Variants in PDE7B observed in about 807,000 individuals in gnomAD.
PDE7B encodes 3',5'-cyclic-AMP phosphodiesterase 7B.
PDE7B carries 29 observed loss-of-function variants against 56.2 expected under a neutral mutation model. The ratio of observed to expected loss-of-function variants is 0.52; its 90% CI spans 0.38 to 0.70. The LOEUF (loss-of-function observed/expected upper bound fraction) is 0.70. Ranked by LOEUF, PDE7B falls within the 30% of genes least tolerant of loss-of-function variation. The pLI is 0.00. For synonymous variants in PDE7B, 197 were observed against 196.9 expected (o/e 1.00, Z 0.00); for missense variants, 490 against 565.0 (o/e 0.87, Z 1.35).
Position 136,155,810 on chromosome 6 carries a change from C to T in PDE7B, c.711+52C>T, listed in dbSNP as rs777658238. 2.5e-6 allele frequency: 4 copies of T among 1,587,558 alleles called. No individual in the cohort carries two copies. The African/African-American group carries it at 5.4e-5, about 21-fold the overall frequency. On this transcript the variant is annotated intron_variant, in intron 8 of 12. Transcript: ENST00000308191. Reference sequence around the variant, plus strand: ...CACAGTATGGTCAATCGCCTTAGGCCCGGTGCTCAAGCCTGAATCTTGCCC... The same window carrying T: ...CACAGTATGGTCAATCGCCTTAGGCTCGGTGCTCAAGCCTGAATCTTGCCC...
At chr6:136,169,318 T>C (rs1778845644) in intron 8 of PDE7B, among the ~76,000 whole-genome samples, 1 of 152,176 alleles carries the variant, frequency 6.6e-6, no homozygotes, top group Non-Finnish European at 1.5e-5. Flanking sequence ...ATAATGACTC[T>C]TCCACAAAGG....
At chr6:135,878,277 T>C (rs1583730022) in intron 1 of PDE7B, among the ~76,000 whole-genome samples, 1 of 150,104 alleles carries the variant, frequency 6.7e-6, no homozygotes, top group African/African-American at 2.5e-5. Context: ...TTTATCAGTC[T>C]TTTTTTTTAA....
rs181422521 is a variant in PDE7B at position 136,008,894 on chromosome 6, C to A, written c.82+61370C>A. ...TTGCCATTGCTTTTGGTGTTTTAGA[C>A]ATGAAGTCCTTGCCCATGCCTATGC... On this transcript the variant is annotated intron_variant, in intron 2 of 12. Transcript: ENST00000308191. 3.5e-4 allele frequency among the ~76,000 whole-genome samples: 53 copies of A among 152,296 alleles called. No individual in the cohort carries two copies. The East Asian group carries it at 0.01, about 29-fold the overall frequency.
intron 1 of PDE7B, among the ~76,000 whole-genome samples, chr6:135,921,575 T>C (rs554096895): frequency 1.0e-3 from 158 of 152,272 alleles, no homozygotes; most frequent in Non-Finnish European, 8.8e-4. Flanking sequence ...TCTGAAGATT[T>C]TTTTTTCAAG....
At chr6:136,167,564 G>T (rs147513528) in intron 8 of PDE7B, among the ~76,000 whole-genome samples, 8 of 152,288 alleles carry the variant, frequency 5.3e-5, no homozygotes, top group African/African-American at 1.9e-4. Flanking sequence ...ATGTGGAACT[G>T]TAAGTCCATT....
At chr6:135,910,140 C>T (rs1776187687) in intron 1 of PDE7B, among the ~76,000 whole-genome samples, 1 of 152,158 alleles carries the variant, frequency 6.6e-6, no homozygotes, top group African/African-American at 2.4e-5. Flanking sequence ...TAGCTGTTAC[C>T]AATATACAGT....
At chr6:135,939,444 C>T (rs1443517320) in intron 1 of PDE7B, among the ~76,000 whole-genome samples, 1 of 152,118 alleles carries the variant, frequency 6.6e-6, no homozygotes, top group Admixed American at 6.6e-5. Flanking sequence ...GTTTTAACAG[C>T]CTGCAATGGG....
At chr6:136,069,170 A>T (rs2128213689) in intron 2 of PDE7B, among the ~76,000 whole-genome samples, 2 of 152,272 alleles carry the variant, frequency 1.3e-5, no homozygotes, top group South Asian at 4.1e-4. Flanking sequence ...TTAGAATTTT[A>T]TTTAGGGTTT....
chr6:136,193,810 G>A lies in PDE7B; in HGVS notation c.*1970G>A, dbSNP rs1362417862. ...GGGAGACTGAGGCTTGCAGAATTAA[G>A]GTTCAGGGGAAATTTTGGAAAGTTG... On this transcript the variant is annotated 3_prime_UTR_variant, in exon 13 of 13. Coordinates refer to ENST00000308191, the MANE Select transcript of PDE7B (RefSeq NM_018945.4). 2.6e-5 allele frequency: 4 copies of A among 152,170 alleles called. No homozygotes were observed. The highest frequency in any genetic ancestry group is 9.7e-5 in the African/African-American group (4 of 41,424). The allele number at this position is 152,170 out of a possible 1,614,324, so 9.4% of individuals were successfully genotyped here. A position where few individuals can be genotyped will look rare whatever the true frequency, so the allele number is the denominator to read the frequency against.
At chr6:136,151,348 G>A in intron 6 of PDE7B, 93 bp downstream of exon 6, 1 of 672,722 alleles carries the variant, frequency 1.5e-6, no homozygotes, top group East Asian at 2.6e-5. Flanking sequence ...TCCATAGGAT[G>A]ATAGATGCAT....
At chr6:136,141,860 C>T (rs1040260027) in intron 3 of PDE7B, among the ~76,000 whole-genome samples, 8 of 148,210 alleles carry the variant, frequency 5.4e-5, no homozygotes, top group African/African-American at 1.7e-4. Context: ...CTCTCTTATT[C>T]GTCTTGCGAG....
chr6:136,024,222 G>A (rs1056620118), intron 2 of PDE7B, among the ~76,000 whole-genome samples: 5 of 152,266 alleles, frequency 3.3e-5, no homozygotes, highest in South Asian at 4.1e-4. Context: ...AAATGGATCC[G>A]GAGAATTTTG....
chr6:135,979,880 G>T (rs1254379235), intron 2 of PDE7B, among the ~76,000 whole-genome samples: 4 of 152,148 alleles, frequency 2.6e-5, no homozygotes, highest in Non-Finnish European at 1.5e-5. Context: ...GTAATTTATA[G>T]ATTCAATGCC....
At chr6:135,973,764 A>C (rs958767819) in intron 2 of PDE7B, among the ~76,000 whole-genome samples, 1 of 152,120 alleles carries the variant, frequency 6.6e-6, no homozygotes, top group Non-Finnish European at 1.5e-5. Flanking sequence ...GGCCATTTTT[A>C]TATGTTTTAG....
At chr6:135,926,084 T>TG in intron 1 of PDE7B, among the ~76,000 whole-genome samples, 1 of 10,980 alleles carries the variant, frequency 9.1e-5, no homozygotes, top group African/African-American at 3.7e-4. Flanking sequence ...TTTCTTTTTT[T>TG]TGGGGGGGGG....
intron 1 of PDE7B, among the ~76,000 whole-genome samples, chr6:135,884,388 A>T (rs1438871585): frequency 6.6e-6 from 1 of 152,218 alleles, no homozygotes; most frequent in African/African-American, 2.4e-5. Flanking sequence ...TCTTTCTTCT[A>T]GTCATCACAT....
At chr6:135,899,794 C>T (rs1465178274) in intron 1 of PDE7B, among the ~76,000 whole-genome samples, 1 of 151,692 alleles carries the variant, frequency 6.6e-6, no homozygotes, top group South Asian at 2.1e-4. Flanking sequence ...AAAGAAACAC[C>T]CATGGGTAGT....
In PDE7B at chr6:135,919,093, C is replaced by T. The variant is rs143516276; in HGVS notation, c.22-28371C>T. 2.0e-3 allele frequency among the ~76,000 whole-genome samples: 308 copies of T among 152,198 alleles called. No individual in the cohort carries two copies. In the East Asian group the frequency reaches 0.024, roughly 12 times the overall value. ...CAACTGAGTATGGGAGTTACTCTCC[C>T]GGGTAAATGTGTGTTCAGCTTGTGG... On this transcript the variant is annotated intron_variant, in intron 1 of 12. Coordinates refer to ENST00000308191, the MANE Select transcript of PDE7B (RefSeq NM_018945.4).
intron 3 of PDE7B, among the ~76,000 whole-genome samples, chr6:136,141,822 A>T (rs945045088): frequency 4.6e-5 from 7 of 152,036 alleles, no homozygotes; most frequent in Admixed American, 4.6e-4. Flanking sequence ...CCCCTTTATC[A>T]TTTTTTGATT....
Sources: allele counts gnomAD v4.1 joint callset (sites outside exome capture counted in the v4.1 genomes callset), GRCh38; gene constraint gnomAD v4.1.1; transcripts MANE v1.5; gene names NCBI Gene and HGNC (gene_info 2026-07-23, HGNC 2026-07-21).